Variants in NRXN3 observed in about 807,000 individuals in gnomAD.
NRXN3 encodes the protein neurexin III.
A neutral mutation model predicts 137.6 loss-of-function variants in NRXN3; 32 were observed. The ratio of observed to expected loss-of-function variants is 0.23; its 90% CI spans 0.18 to 0.31. NRXN3 has a LOEUF of 0.31. Ranked by LOEUF, NRXN3 falls within the 10% of genes least tolerant of loss-of-function variation. The pLI, the probability that NRXN3 is intolerant of heterozygous loss-of-function variation, is 1.00. For missense variants in NRXN3, 1,574 were observed against 2,062.5 expected (o/e 0.76, Z 4.59); for synonymous variants, 798 against 784.5 (o/e 1.02, Z -0.29).
intron 6 of NRXN3, among the ~76,000 whole-genome samples, chr14:78,691,443 A>G (rs1415686939): frequency 6.6e-6 from 1 of 152,174 alleles, no homozygotes; most frequent in Non-Finnish European, 1.5e-5. Context: ...AAGTGTCTCA[A>G]TTTATCCTGT....
intron 14 of NRXN3, among the ~76,000 whole-genome samples, chr14:78,980,264 G>T (rs1021308582): frequency 6.6e-6 from 1 of 152,164 alleles, no homozygotes; most frequent in African/African-American, 2.4e-5. Context: ...TGGCCTCCAG[G>T]CCTGTCACTT....
At chr14:78,180,109 A>G (rs1483910290) in intron 1 of NRXN3, among the ~76,000 whole-genome samples, 2 of 152,116 alleles carry the variant, frequency 1.3e-5, no homozygotes, top group African/African-American at 2.4e-5. Flanking sequence ...CGGCCTCCCA[A>G]AGTTCTGGGA....
chr14:78,855,757 GT>G (rs1250545902), intron 10 of NRXN3, among the ~76,000 whole-genome samples: 1 of 152,080 alleles, frequency 6.6e-6, no homozygotes, highest in Non-Finnish European at 1.5e-5. Context: ...GTGGAGATTC[GT>G]TCATGATTGT....
chr14:79,281,680 C>G (rs913690340), intron 15 of NRXN3: 9 of 151,972 alleles, frequency 5.9e-5, no homozygotes, highest in African/African-American at 2.2e-4. Flanking sequence ...GAAAAGTAGC[C>G]AAATATAAGA....
Position 79,598,338 on chromosome 14 carries a change from C to T in NRXN3, c.3445-65440C>T, listed in dbSNP as rs77988983. Among the ~76,000 whole-genome samples, 3,401 of 152,232 alleles carry T rather than the reference C, an allele frequency of 0.022. 214 individuals carry two copies. In the East Asian group the frequency reaches 0.24, roughly 11 times the overall value. ...AGTTTGCTACAAAGAACATCTTAGT[C>T]TCATTTCCTGTCCAAGGCAGGAATT... On this transcript the variant is annotated intron_variant, in intron 16 of 20. Transcript: ENST00000335750.
chr14:78,538,220 C>T (rs542594511), intron 4 of NRXN3, among the ~76,000 whole-genome samples: 13 of 152,240 alleles, frequency 8.5e-5, no homozygotes, highest in Admixed American at 2.6e-4. Flanking sequence ...GCCATTTTCA[C>T]GATATTGATT....
chr14:79,173,089 A>G (rs958582832), intron 15 of NRXN3, among the ~76,000 whole-genome samples: 2 of 152,210 alleles, frequency 1.3e-5, no homozygotes, highest in Non-Finnish European at 2.9e-5. Context: ...TGAATTGAAG[A>G]CTTAAAGTTT....
chr14:78,781,955 C>T (rs1027918264), intron 8 of NRXN3, among the ~76,000 whole-genome samples: 1 of 152,198 alleles, frequency 6.6e-6, no homozygotes, highest in Non-Finnish European at 1.5e-5. Flanking sequence ...TTTCACCTCC[C>T]CAAACAGATT....
In NRXN3 at chr14:78,846,449, T is replaced by C. The variant is rs563058514; in HGVS notation, c.2275+36105T>C. Among the ~76,000 whole-genome samples, 9 of 152,266 alleles carry C rather than the reference T, an allele frequency of 5.9e-5. No individual in the cohort carries two copies. The South Asian group carries it at 1.4e-3, about 25-fold the overall frequency. ...ACAATCAGTTCTTTACAATCTCTGCTGCTGTTATGGGATTTAAATACCATA... is the reference window on the plus strand; with the variant it reads ...ACAATCAGTTCTTTACAATCTCTGCCGCTGTTATGGGATTTAAATACCATA... On this transcript the variant is annotated intron_variant, in intron 10 of 20. Transcript: ENST00000335750.
intron 16 of NRXN3, among the ~76,000 whole-genome samples, chr14:79,488,637 T>A (rs1473659849): frequency 6.6e-6 from 1 of 152,148 alleles, no homozygotes; most frequent in Non-Finnish European, 1.5e-5. Context: ...ATGCTGGTGA[T>A]GATTTGGAGC....
chr14:79,848,075 A>T (rs2099384058), intron 20 of NRXN3, among the ~76,000 whole-genome samples: 1 of 152,186 alleles, frequency 6.6e-6, no homozygotes, highest in East Asian at 1.9e-4. Context: ...GCTGAATTGA[A>T]ATACAAAAAA....
rs74573142 is a variant in NRXN3 at position 79,818,379 on chromosome 14, C to T, written c.4093+13189C>T. On this transcript the variant is annotated intron_variant, in intron 20 of 20. Coordinates refer to ENST00000335750, the MANE Select transcript of NRXN3 (RefSeq NM_001330195.2). ...CACTTGGGGTTTCTAGCTCATTATT[C>T]ATGATCAATTCTGTTCAAAACATAT... is the stretch of plus-strand genomic sequence containing the variant. 2.4e-3 allele frequency among the ~76,000 whole-genome samples: 361 copies of T among 152,250 alleles called. 15 individuals are homozygous for T. In the East Asian group the frequency reaches 0.052, roughly 22 times the overall value.
chr14:78,630,329 T>G (rs2152530073), intron 4 of NRXN3, among the ~76,000 whole-genome samples: 1 of 152,360 alleles, frequency 6.6e-6, no homozygotes, highest in African/African-American at 2.4e-5. Context: ...ACTTTTCTAT[T>G]TATTTAAATA....
intron 15 of NRXN3, among the ~76,000 whole-genome samples, chr14:79,378,164 A>G (rs2094360488): frequency 6.6e-6 from 1 of 152,172 alleles, no homozygotes; most frequent in Non-Finnish European, 1.5e-5. Context: ...TGCCTTCATT[A>G]CCAGTTTCTT....
At chr14:78,912,189 C>T (rs1002346010) in intron 10 of NRXN3, among the ~76,000 whole-genome samples, 43 of 150,954 alleles carry the variant, frequency 2.8e-4, no homozygotes, top group African/African-American at 9.0e-4. Flanking sequence ...TTTGTTCTTG[C>T]GATAGTTTGC....
At chr14:78,509,600 C>T (rs1278840384) in intron 4 of NRXN3, among the ~76,000 whole-genome samples, 1 of 152,018 alleles carries the variant, frequency 6.6e-6, no homozygotes, top group Non-Finnish European at 1.5e-5. Context: ...CTCTATTGAC[C>T]ACAGACTTGG....
intron 10 of NRXN3, among the ~76,000 whole-genome samples, chr14:78,830,299 T>C (rs2098978170): frequency 6.6e-6 from 1 of 152,126 alleles, no homozygotes; most frequent in African/African-American, 2.4e-5. Flanking sequence ...ACTGGTGATA[T>C]CTTAATTTGC....
At chr14:79,388,776 A>C (rs1048854520) in intron 15 of NRXN3, among the ~76,000 whole-genome samples, 8 of 151,976 alleles carry the variant, frequency 5.3e-5, no homozygotes, top group African/African-American at 1.7e-4. Context: ...TCCCCACTCC[A>C]ATCTTATCTT....
chr14:79,335,203 A>C (rs2092151402), intron 15 of NRXN3, among the ~76,000 whole-genome samples: 1 of 152,114 alleles, frequency 6.6e-6, no homozygotes, highest in African/African-American at 2.4e-5. Flanking sequence ...CTTATGTTAC[A>C]GTATAAAGAT....
Sources: allele counts gnomAD v4.1 joint callset (sites outside exome capture counted in the v4.1 genomes callset), GRCh38; gene constraint gnomAD v4.1.1; transcripts MANE v1.5; gene names NCBI Gene and HGNC (gene_info 2026-07-23, HGNC 2026-07-21).